Variants in LARGE1 observed in about 807,000 individuals in gnomAD.
LARGE1 encodes the protein LARGE xylosyl- and glucuronyltransferase 1, also known as xylosyl- and glucuronyltransferase LARGE1.
In LARGE1, 43 loss-of-function variants were observed where a neutral mutation model predicts 87.6. The observed-to-expected ratio is 0.49, with a 90% CI of 0.38 to 0.63. The LOEUF (loss-of-function observed/expected upper bound fraction) is 0.63. Among genes scored for constraint, LARGE1 ranks in the 30% least tolerant of loss-of-function variants. The probability of loss-of-function intolerance (pLI) is 0.00; values close to 1 mark genes in which losing one functional copy is unlikely to be tolerated. For synonymous variants in LARGE1, 434 were observed against 394.6 expected (o/e 1.10, Z -1.18); for missense variants, 802 against 1,000.2 (o/e 0.80, Z 2.67).
At chr22:33,361,657 C>T (rs8142882) in intron 9 of LARGE1, among the ~76,000 whole-genome samples, 11,620 of 147,354 alleles carry the variant, frequency 0.079, 1,843 homozygotes, top group African/African-American at 0.26. Context: ...CAAGATTCAG[C>T]TCAGGTTTCC....
chr22:33,501,964 G>A (rs1181818406), intron 6 of LARGE1, among the ~76,000 whole-genome samples: 3 of 152,070 alleles, frequency 2.0e-5, no homozygotes, highest in Admixed American at 2.0e-4. Context: ...AGGCTGAGGC[G>A]GGCAGATCAC....
intron 2 of LARGE1, among the ~76,000 whole-genome samples, chr22:33,680,778 T>C (rs752958241): frequency 7.2e-5 from 11 of 151,908 alleles, no homozygotes; most frequent in Non-Finnish European, 1.5e-4. Context: ...TCAGATGTCT[T>C]CTCAGAATAC....
At chr22:33,421,424 G>A (rs1296202588) in intron 7 of LARGE1, among the ~76,000 whole-genome samples, 1 of 152,128 alleles carries the variant, frequency 6.6e-6, no homozygotes, top group African/African-American at 2.4e-5. Context: ...AGGTGGAGGT[G>A]GGACTTGGAC....
At chr22:33,264,401 G>GT (rs1320975501) in intron 11 of LARGE1, among the ~76,000 whole-genome samples, 1 of 152,254 alleles carries the variant, frequency 6.6e-6, no homozygotes, top group Admixed American at 6.5e-5. Context: ...GCTCACGCCT[G>GT]TAATCCCAGC....
At chr22:33,227,813 A>G (rs1400831048) in intron 11 of LARGE1, among the ~76,000 whole-genome samples, 1 of 152,218 alleles carries the variant, frequency 6.6e-6, no homozygotes, top group Non-Finnish European at 1.5e-5. Flanking sequence ...CATGGTTCTA[A>G]TTAAAAATGT....
chr22:33,241,621 CATATATGT>C (rs979761449), intron 11 of LARGE1, among the ~76,000 whole-genome samples: 3 of 150,762 alleles, frequency 2.0e-5, no homozygotes, highest in African/African-American at 4.9e-5. Flanking sequence ...TATCTATGTA[CATATATGT>C]ATATATGTAT....
At chr22:33,634,237 A>C (rs2080196304) in intron 3 of LARGE1, among the ~76,000 whole-genome samples, 1 of 152,190 alleles carries the variant, frequency 6.6e-6, no homozygotes, top group South Asian at 2.1e-4. Context: ...CTCCAACTCC[A>C]GTATGCATCA....
chr22:33,387,795 T>C (rs2065381030), intron 7 of LARGE1, among the ~76,000 whole-genome samples: 1 of 152,218 alleles, frequency 6.6e-6, no homozygotes, highest in South Asian at 2.1e-4. Flanking sequence ...TTTTTAAAAT[T>C]ATGAACTATT....
intron 12 of LARGE1, among the ~76,000 whole-genome samples, chr22:33,289,635 A>G (rs567861100): frequency 1.1e-4 from 16 of 152,252 alleles, no homozygotes; most frequent in African/African-American, 3.4e-4. Flanking sequence ...ACCAGGGAAG[A>G]CTTCTGCTTG....
chr22:33,626,232 A>T lies in LARGE1; in HGVS notation c.491+12T>A. Reference sequence around the variant, plus strand: ...CAGACCTCAGCCCACACAGCACAGAAGTTGTTCTTACCTATGGAACAGGAC... The same window carrying T: ...CAGACCTCAGCCCACACAGCACAGATGTTGTTCTTACCTATGGAACAGGAC... On this transcript the variant is annotated intron_variant, in intron 4 of 14. Transcript: ENST00000397394. 1 of 1,612,150 alleles carries T rather than the reference A, an allele frequency of 6.2e-7. No homozygotes were observed. The highest frequency in any genetic ancestry group is 8.5e-7 in the Non-Finnish European group (1 of 1,178,156).
intron 11 of LARGE1, among the ~76,000 whole-genome samples, chr22:33,185,507 C>T (rs181338317): frequency 6.6e-6 from 1 of 152,130 alleles, no homozygotes; most frequent in African/African-American, 2.4e-5. Flanking sequence ...CATAGAAACC[C>T]GTAGAATATT....
In LARGE1 at chr22:33,829,083, A is replaced by G. The variant is rs1293780059; in HGVS notation, c.-82-67525T>C. ...GAGTGCAGTGGCGTGATCTCGGCTC[A>G]CTGCAACCAACTCCTCCCACGTTCA... On this transcript the variant is annotated intron_variant, in intron 1 of 14. Transcript: ENST00000397394. 2.2e-5 allele frequency among the ~76,000 whole-genome samples: 3 copies of G among 135,988 alleles called. No homozygotes were observed. The East Asian group carries it at 6.5e-4, about 30-fold the overall frequency. 89.2% of individuals were successfully genotyped at this position (135,988 alleles called of 152,430 possible).
chr22:33,394,894 G>A (rs996680317), intron 7 of LARGE1, among the ~76,000 whole-genome samples: 1 of 152,074 alleles, frequency 6.6e-6, no homozygotes, highest in African/African-American at 2.4e-5. Flanking sequence ...TAAGCAGACT[G>A]CCTCTGTGAA....
chr22:33,568,766 C>CAAAA lies in LARGE1; in HGVS notation c.616-3751_616-3748dup, dbSNP rs57651807. 5.3e-3 allele frequency among the ~76,000 whole-genome samples: 488 copies of CAAAA among 92,744 alleles called. 6 individuals are homozygous for CAAAA. Among genetic ancestry groups the CAAAA allele is most frequent in the African/African-American group, 0.011 (323 of 28,160 alleles). The allele number at this position is 92,744 out of a possible 152,430, so 60.8% of individuals were successfully genotyped here. A position where few individuals can be genotyped will look rare whatever the true frequency, so the allele number is the denominator to read the frequency against. On this transcript the variant is annotated intron_variant, in intron 5 of 14. Transcript: ENST00000397394. ...GGGCAACAAAAGCGAAACTCAGTCT[C>CAAAA]AAAAAAAAAAAAAAAAAAATAAGCA... is the stretch of plus-strand genomic sequence containing the variant.
At chr22:33,874,430 G>T (rs1443293697) in intron 1 of LARGE1, among the ~76,000 whole-genome samples, 1 of 152,180 alleles carries the variant, frequency 6.6e-6, no homozygotes, top group African/African-American at 2.4e-5. Context: ...CTCAGGGCGT[G>T]ACCCAAACAG....
At chr22:33,295,992 A>C (rs1933195398) in intron 12 of LARGE1, among the ~76,000 whole-genome samples, 1 of 152,222 alleles carries the variant, frequency 6.6e-6, no homozygotes, top group South Asian at 2.1e-4. Flanking sequence ...AAAAGTAGTA[A>C]TGATTGCCAT....
chr22:33,640,188 C>T (rs2080386201), intron 3 of LARGE1, among the ~76,000 whole-genome samples: 1 of 152,154 alleles, frequency 6.6e-6, no homozygotes, highest in Non-Finnish European at 1.5e-5. Flanking sequence ...TTGTCTGCCT[C>T]TATGGCTTTT....
chr22:33,316,703 C>T (rs750784736), intron 10 of LARGE1, among the ~76,000 whole-genome samples: 16 of 151,724 alleles, frequency 1.1e-4, no homozygotes, highest in Admixed American at 2.6e-4. Flanking sequence ...CACCACTGCA[C>T]TCCAGCCTAG....
At chr22:33,577,972 G>C (rs2078401284) in intron 5 of LARGE1, among the ~76,000 whole-genome samples, 2 of 152,230 alleles carry the variant, frequency 1.3e-5, no homozygotes, top group Admixed American at 6.5e-5. Flanking sequence ...ACCCTGAAAA[G>C]ATGATGGCTT....
Sources: gnomAD v4.1 joint callset for allele counts (sites outside exome capture counted in the v4.1 genomes callset) on GRCh38, gnomAD v4.1.1 for gene constraint, MANE v1.5 for transcripts, NCBI Gene and HGNC (gene_info 2026-07-23, HGNC 2026-07-21) for gene names.